The following PPHLN1 variants were observed in gnomAD, a reference collection of about 807,000 sequenced individuals.
PPHLN1 encodes periphilin 1, also known as periphilin-1.
A neutral mutation model predicts 51.3 loss-of-function variants in PPHLN1; 29 were observed. That is an observed-to-expected ratio of 0.57 (90% CI 0.42 to 0.77). PPHLN1 has a LOEUF of 0.77. Ranked by LOEUF, PPHLN1 falls within the 30% of genes least tolerant of loss-of-function variation. The probability of loss-of-function intolerance (pLI) is 0.00; values close to 1 mark genes in which losing one functional copy is unlikely to be tolerated. For missense variants in PPHLN1, 436 were observed against 438.4 expected, an observed-to-expected ratio of 0.99 and a Z score of 0.05; for synonymous variants, 147 against 147.8, an observed-to-expected ratio of 0.99 and a Z score of 0.04.
At chr12:42,416,915 G>T (rs2708073) in intron 9 of PPHLN1, among the ~76,000 whole-genome samples, 146,772 of 152,278 alleles carry the variant, frequency 0.96, 70,988 homozygotes, top group Middle Eastern at 1. Flanking sequence ...AGAGCCAGAT[G>T]GTTGAAAAAT....
intron 4 of PPHLN1, among the ~76,000 whole-genome samples, chr12:42,371,485 T>A (rs1035960047): frequency 7.9e-5 from 12 of 152,322 alleles, no homozygotes; most frequent in Admixed American, 5.9e-4. Flanking sequence ...TTTCTCTTTT[T>A]AAAAGTTTTC....
At chr12:42,391,456 C>G (rs951488029) in intron 7 of PPHLN1, among the ~76,000 whole-genome samples, 1 of 152,052 alleles carries the variant, frequency 6.6e-6, no homozygotes, top group Admixed American at 6.5e-5. Context: ...CCAGGCTGGT[C>G]TGGTCTCACA....
At chr12:42,446,055 C>CGACCCTGCA (rs771449587), downstream of PPHLN1, 26 of 1,550,608 alleles carry the variant, frequency 1.7e-5, no homozygotes, top group South Asian at 2.6e-4. Flanking sequence ...ATGAAGGAAA[C>CGACCCTGCA]GACCCTGCAG....
At chr12:42,381,203 T>A (rs1238207143) in intron 5 of PPHLN1, among the ~76,000 whole-genome samples, 2 of 152,212 alleles carry the variant, frequency 1.3e-5, no homozygotes, top group Non-Finnish European at 2.9e-5. Flanking sequence ...GAGGATCCAT[T>A]GTTTACTCAC....
intron 9 of PPHLN1, among the ~76,000 whole-genome samples, chr12:42,435,668 CTTA>C (rs1393729969): frequency 1.3e-5 from 2 of 151,744 alleles, no homozygotes; most frequent in Admixed American, 6.6e-5. Context: ...TTTTTTTTAA[CTTA>C]TTTTTATATA....
At chr12:42,425,543 T>A (rs1479566709) in intron 9 of PPHLN1, among the ~76,000 whole-genome samples, 1 of 151,718 alleles carries the variant, frequency 6.6e-6, no homozygotes, top group Non-Finnish European at 1.5e-5. Flanking sequence ...CATGCCACCA[T>A]GCTCAGTTAA....
intron 9 of PPHLN1, among the ~76,000 whole-genome samples, chr12:42,416,227 C>G (rs552400349): frequency 6.6e-6 from 1 of 152,198 alleles, no homozygotes; most frequent in Non-Finnish European, 1.5e-5. Context: ...ACTTCCCAGT[C>G]ACAGCATTTA....
chr12:42,415,478 G>T (rs1463748817), intron 9 of PPHLN1, among the ~76,000 whole-genome samples: 1 of 152,156 alleles, frequency 6.6e-6, no homozygotes. Context: ...GCCAAAACCT[G>T]TCATTTTCTT....
chr12:42,427,048 C>T (rs2081566983), intron 9 of PPHLN1, among the ~76,000 whole-genome samples: 1 of 152,086 alleles, frequency 6.6e-6, no homozygotes, highest in African/African-American at 2.4e-5. Flanking sequence ...CTTTTTTTCA[C>T]TTCGAGAACT....
chr12:42,348,828 T>G lies in PPHLN1; in HGVS notation c.73-3057T>G, dbSNP rs546601101. Among the ~76,000 whole-genome samples, 410 of 148,958 alleles carry G rather than the reference T, an allele frequency of 2.8e-3. 1 individual carries two copies. The highest frequency in any genetic ancestry group is 9.5e-3 in the African/African-American group (384 of 40,468). On this transcript the variant is annotated intron_variant, in intron 2 of 9. Coordinates refer to ENST00000358314, the MANE Select transcript of PPHLN1 (RefSeq NM_201439.2). ...TTTGGCTTAATGTCAGTTTTTTTTT[T>G]GGGCAGCTTAGTACTTAAATTTAAT...
chr12:42,416,811 A>G (rs1014740222), intron 9 of PPHLN1, among the ~76,000 whole-genome samples: 1 of 152,206 alleles, frequency 6.6e-6, no homozygotes, highest in Admixed American at 6.5e-5. Flanking sequence ...ATTGTATTTT[A>G]CTGAAATTTG....
chr12:42,371,775 A>C (rs796237710), intron 4 of PPHLN1, among the ~76,000 whole-genome samples: 2 of 152,178 alleles, frequency 1.3e-5, no homozygotes, highest in South Asian at 4.1e-4. Context: ...TAGCTTACCA[A>C]ATTTTTTTAA....
chr12:42,369,791 T>G (rs2075624878), intron 4 of PPHLN1, among the ~76,000 whole-genome samples: 3 of 152,336 alleles, frequency 2.0e-5, no homozygotes, highest in African/African-American at 7.2e-5. Flanking sequence ...CATTACTTTC[T>G]CCAAGCCTCT....
chr12:42,424,673 G>C (rs1441806182), intron 9 of PPHLN1, among the ~76,000 whole-genome samples: 1 of 152,018 alleles, frequency 6.6e-6, no homozygotes, highest in Non-Finnish European at 1.5e-5. Flanking sequence ...CCCTGCACTA[G>C]CACTTTCTGA....
intron 1 of PPHLN1, chr12:42,332,612 G>A: frequency 4.6e-6 from 6 of 1,292,536 alleles, no homozygotes; most frequent in African/African-American, 1.5e-5. Context: ...TATATTGGTT[G>A]GTTTATACAG....
chr12:42,364,969 C>T (rs1176449534), intron 4 of PPHLN1, among the ~76,000 whole-genome samples: 4 of 152,236 alleles, frequency 2.6e-5, no homozygotes, highest in South Asian at 2.1e-4. Flanking sequence ...TATCTTATGC[C>T]TGGAATACTT....
intron 9 of PPHLN1, among the ~76,000 whole-genome samples, chr12:42,436,461 C>G (rs2082493858): frequency 6.6e-6 from 1 of 152,158 alleles, no homozygotes; most frequent in Non-Finnish European, 1.5e-5. Flanking sequence ...ACTTAACTTC[C>G]TATTGATAGT....
At chr12:42,439,182 A>C (rs1393940667) in intron 9 of PPHLN1, among the ~76,000 whole-genome samples, 3 of 152,226 alleles carry the variant, frequency 2.0e-5, no homozygotes, top group African/African-American at 7.2e-5. Context: ...ATTTATATTT[A>C]GGTCTGCGAT....
intron 9 of PPHLN1, among the ~76,000 whole-genome samples, chr12:42,417,933 T>C (rs978483282): frequency 1.8e-5 from 1 of 54,622 alleles, no homozygotes; most frequent in Non-Finnish European, 4.8e-5. Context: ...TTTTTTTTTG[T>C]TTTTTTTTTG....
Sources: gnomAD v4.1 joint callset for allele counts (sites outside exome capture counted in the v4.1 genomes callset) on GRCh38, gnomAD v4.1.1 for gene constraint, MANE v1.5 for transcripts, NCBI Gene and HGNC (gene_info 2026-07-23, HGNC 2026-07-21) for gene names.